The following KAT2B variants were observed in gnomAD, a reference collection of about 807,000 sequenced individuals.
KAT2B encodes histone acetyltransferase KAT2B.
Under a neutral mutation model 105.9 loss-of-function variants are expected in KAT2B, and 36 were observed. That is an observed-to-expected ratio of 0.34 (90% CI 0.26 to 0.45). The LOEUF (loss-of-function observed/expected upper bound fraction) is 0.45. KAT2B is among the 20% of genes least tolerant of loss of function. The pLI, the probability that KAT2B is intolerant of heterozygous loss-of-function variation, is 1.00. For missense variants in KAT2B, 820 were observed against 1,021.6 expected (o/e 0.80, Z 2.69); for synonymous variants, 397 against 377.9 (o/e 1.05, Z -0.59).
At chr3:20,076,886 A>T (rs1698429981) in intron 2 of KAT2B, among the ~76,000 whole-genome samples, 1 of 152,196 alleles carries the variant, frequency 6.6e-6, no homozygotes, top group Non-Finnish European at 1.5e-5. Flanking sequence ...TGGTTGATTT[A>T]CTCACCAGTA....
intron 1 of KAT2B, among the ~76,000 whole-genome samples, chr3:20,065,854 G>C (rs1401825877): frequency 1.3e-5 from 2 of 152,116 alleles, no homozygotes; most frequent in Admixed American, 1.3e-4. Flanking sequence ...CTGGGGCTTG[G>C]GGGTGGAGTC....
intron 5 of KAT2B, among the ~76,000 whole-genome samples, chr3:20,102,372 A>G (rs1698926060): frequency 6.6e-6 from 1 of 152,190 alleles, no homozygotes; most frequent in Admixed American, 6.5e-5. Context: ...TGACATCATT[A>G]TACATATTAT....
intron 1 of KAT2B, among the ~76,000 whole-genome samples, chr3:20,070,076 A>G (rs1240131569): frequency 1.3e-5 from 2 of 152,040 alleles, no homozygotes; most frequent in Non-Finnish European, 1.5e-5. Flanking sequence ...GCCTAGACAA[A>G]AGACGGTCAC....
At chr3:20,083,912 C>T (rs1326512320) in intron 2 of KAT2B, among the ~76,000 whole-genome samples, 1 of 152,000 alleles carries the variant, frequency 6.6e-6, no homozygotes, top group East Asian at 1.9e-4. Context: ...GGTGGTGCAC[C>T]TATTTTGTTG....
chr3:20,146,386 A>G lies in KAT2B; in HGVS notation c.2075A>G (p.Lys692Arg). The G allele has an allele frequency of 6.2e-7, 1 of 1,613,596 alleles. No homozygotes were observed. ...RKVYPGLSCF[K>R]DGVRQIPIES... ...GTTTACCCTGGACTTTCATGTTTTAAAGATGGAGTTCGACAGATTCCTATA... is the reference window on the plus strand; with the variant it reads ...GTTTACCCTGGACTTTCATGTTTTAGAGATGGAGTTCGACAGATTCCTATA... The change falls in exon 14 of 18, where the codon AAA becomes AGA. Residue 692 changes from lysine (K) to arginine (R), a missense_variant. By Grantham distance (26) the Lys-to-Arg change is conservative (BLOSUM62 2). Coordinates refer to ENST00000263754, the MANE Select transcript of KAT2B (RefSeq NM_003884.5).
At chr3:20,136,403 G>A (rs1010416281) in intron 11 of KAT2B, among the ~76,000 whole-genome samples, 3 of 152,122 alleles carry the variant, frequency 2.0e-5, no homozygotes, top group African/African-American at 7.2e-5. Context: ...TACTTGGAAA[G>A]GTCTGATAAG....
intron 1 of KAT2B, among the ~76,000 whole-genome samples, chr3:20,064,953 C>T (rs1378709374): frequency 6.6e-6 from 1 of 152,204 alleles, no homozygotes; most frequent in Non-Finnish European, 1.5e-5. Context: ...TATCTTCACA[C>T]CCATCTCACT....
intron 12 of KAT2B, 118 bp from the exon 13 acceptor site, chr3:20,140,103 A>G: frequency 1.5e-6 from 1 of 672,692 alleles, no homozygotes; most frequent in Non-Finnish European, 2.6e-6. Context: ...TCAGAATAGT[A>G]CAATGAGAAC....
intron 7 of KAT2B, among the ~76,000 whole-genome samples, chr3:20,117,799 C>G (rs1407605346): frequency 1.3e-5 from 2 of 152,106 alleles, no homozygotes; most frequent in Non-Finnish European, 2.9e-5. Context: ...CCCCTTGTCA[C>G]CTCTCACCTC....
intron 2 of KAT2B, among the ~76,000 whole-genome samples, chr3:20,074,705 G>A (rs1450350769): frequency 6.6e-5 from 10 of 152,086 alleles, no homozygotes; most frequent in African/African-American, 2.4e-4. Flanking sequence ...ATCTTGTTTG[G>A]GGATCTCAGC....
Position 20,133,281 on chromosome 3 carries a change from T to A in KAT2B, c.1750-3661T>A, listed in dbSNP as rs566858186. On this transcript the variant is annotated intron_variant, in intron 11 of 17. Transcript: ENST00000263754. The stretch of plus-strand genomic sequence containing the variant: ...TGGAATTCATATTGTATGCATTGCA[T>A]TACTGGAAAAAAACTTTACATTGTC... Among the ~76,000 whole-genome samples, 13 of 152,330 alleles carry A rather than the reference T, an allele frequency of 8.5e-5. No individual in the cohort carries two copies. In the East Asian group the frequency reaches 2.5e-3, roughly 29 times the overall value.
chr3:20,113,103 T>A (rs1252320491), intron 6 of KAT2B, among the ~76,000 whole-genome samples: 1 of 152,204 alleles, frequency 6.6e-6, no homozygotes, highest in Non-Finnish European at 1.5e-5. Context: ...CATTTTGTTG[T>A]CCTCTGTGGA....
rs1334937965 is a variant in KAT2B, at chr3:20,062,344, TATATA to T, written c.304-9983_304-9979del. 1.4e-3 allele frequency among the ~76,000 whole-genome samples: 135 copies of T among 97,914 alleles called. 1 individual carries two copies. Among genetic ancestry groups the T allele is most frequent in the African/African-American group, 4.1e-3 (107 of 25,832 alleles). 64.2% of individuals were successfully genotyped at this position (97,914 alleles called of 152,430 possible). On this transcript the variant is annotated intron_variant, in intron 1 of 17. Transcript: ENST00000263754. ...AATATTTATTATGTATAAAATATAATATATAATATATTTTATATATAATTTATAAT... is the reference window on the plus strand; with the variant it reads ...AATATTTATTATGTATAAAATATAATATATATTTTATATATAATTTATAAT...
At position 20,119,480 on chromosome 3, in the gene KAT2B, A is replaced by T. The variant is rs891942891; in HGVS notation, c.1151-118A>T. The stretch of plus-strand genomic sequence containing the variant: ...TTGATGCCTTGTGGCTTATGTTTTA[A>T]AGATGACTTATTTTGTGGCATTGGG... On this transcript the variant is annotated intron_variant, in intron 7 of 17. Coordinates refer to ENST00000263754, the MANE Select transcript of KAT2B (RefSeq NM_003884.5). The T allele has an allele frequency of 6.0e-6, 6 of 1,001,018 alleles. No homozygotes were observed. The Admixed American group carries it at 8.2e-5, about 14-fold the overall frequency. The allele number at this position is 1,001,018 out of a possible 1,614,324, so 62.0% of individuals were successfully genotyped here.
intron 1 of KAT2B, among the ~76,000 whole-genome samples, chr3:20,055,290 G>T (rs894893529): frequency 2.6e-5 from 4 of 152,172 alleles, no homozygotes; most frequent in African/African-American, 9.6e-5. Context: ...TCAACAAATT[G>T]TTATTTAATG....
intron 1 of KAT2B, among the ~76,000 whole-genome samples, chr3:20,066,010 G>GT (rs992514755): frequency 5.8e-4 from 86 of 149,418 alleles, no homozygotes; most frequent in African/African-American, 1.6e-3. Flanking sequence ...AACAAATACA[G>GT]TTTTTTTTTT....
intron 3 of KAT2B, among the ~76,000 whole-genome samples, chr3:20,095,616 A>T (rs751763518): frequency 1.3e-5 from 2 of 152,218 alleles, no homozygotes; most frequent in African/African-American, 4.8e-5. Flanking sequence ...TTACACTTGT[A>T]TGCAAAGTTG....
In KAT2B at chr3:20,119,721, C is replaced by T; in HGVS notation, c.1274C>T (p.Pro425Leu). Residue 425 changes from proline to leucine, a missense_variant and splice_region_variant, in exon 8 of 18, where the codon CCA becomes CTA. By Grantham distance (98) the Pro-to-Leu change is moderately conservative. Transcript: ENST00000263754. ...CKASSGLEANPGEKRKMTDSH... is the reference protein window; with the variant it reads ...CKASSGLEANLGEKRKMTDSH... ...GCCTCTTCTGGACTTGAGGCAAACC[C>T]AGGTAAGCTCTTAAGAGGGGATAAG... 1.2e-6 allele frequency: 2 copies of T among 1,613,960 alleles called. No homozygotes were observed. The highest frequency in any genetic ancestry group is 1.7e-6 in the Non-Finnish European group (2 of 1,179,908).
rs78379434 is a variant in KAT2B at position 20,092,695 on chromosome 3, C to T, written c.431-2568C>T. Among the ~76,000 whole-genome samples, 773 of 151,040 alleles carry T rather than the reference C, an allele frequency of 5.1e-3. 5 individuals carry two copies. Among genetic ancestry groups the T allele is most frequent in the South Asian group, 0.016 (78 of 4,782 alleles). ...ATAATGCCCTTTTTGGTCTCTGTAT[C>T]GTTTTTTGTTGTTGTTGTTGTTTTT... On this transcript the variant is annotated intron_variant, in intron 2 of 17. Transcript: ENST00000263754.
Sources: allele counts gnomAD v4.1 joint callset (sites outside exome capture counted in the v4.1 genomes callset), GRCh38; gene constraint gnomAD v4.1.1; transcripts MANE v1.5; gene names NCBI Gene and HGNC (gene_info 2026-07-23, HGNC 2026-07-21).